The following TARS3 variants were observed in gnomAD, a reference collection of about 807,000 sequenced individuals.
TARS3 encodes the protein threonyl-tRNA synthetase 3, also known as threonine--tRNA ligase 2, cytoplasmic.
TARS3 carries 94 observed loss-of-function variants against 103.5 expected under a neutral mutation model. The observed-to-expected ratio is 0.91, with a 90% CI of 0.77 to 1.08. The LOEUF (loss-of-function observed/expected upper bound fraction) is 1.08. Among genes scored for constraint, TARS3 ranks in the 50% least tolerant of loss-of-function variants. The pLI is 0.00. For synonymous variants in TARS3, 416 were observed against 355.4 expected, an observed-to-expected ratio of 1.17 and a Z score of -1.92; for missense variants, 952 against 995.2, an observed-to-expected ratio of 0.96 and a Z score of 0.58.
At chr15:101,720,417 C>T (rs1002622205) in intron 3 of TARS3, among the ~76,000 whole-genome samples, 1 of 152,100 alleles carries the variant, frequency 6.6e-6, no homozygotes, top group Non-Finnish European at 1.5e-5. Flanking sequence ...GATAATAGCT[C>T]TAAAACATTT....
intron 4 of TARS3, among the ~76,000 whole-genome samples, chr15:101,713,381 G>T (rs139436343): frequency 7.7e-4 from 117 of 152,260 alleles, no homozygotes; most frequent in African/African-American, 2.7e-3. Flanking sequence ...AAATGCAATG[G>T]GATGCATTAA....
At chr15:101,661,683 A>G (rs1393694493) in intron 16 of TARS3, 29 bp downstream of exon 16, 1 of 1,279,022 alleles carries the variant, frequency 7.8e-7, no homozygotes, top group East Asian at 2.4e-5. Flanking sequence ...AATAATAGAC[A>G]TATAGTTTTT....
At chr15:101,674,622 C>T (rs867321403) in intron 13 of TARS3, among the ~76,000 whole-genome samples, 17 of 151,868 alleles carry the variant, frequency 1.1e-4, no homozygotes, top group African/African-American at 3.4e-4. Context: ...CTGGCTAACA[C>T]GGTGAAGCCC....
At chr15:101,658,311 C>CAAAAAA (rs36121104) in intron 16 of TARS3, among the ~76,000 whole-genome samples, 1 of 70,146 alleles carries the variant, frequency 1.4e-5, no homozygotes, top group Non-Finnish European at 2.5e-5. Context: ...ACACCATCAG[C>CAAAAAA]AAAAAAAAAA....
chr15:101,702,055 G>C (rs1482457862), intron 9 of TARS3, among the ~76,000 whole-genome samples, 184 bp downstream of exon 9: 1 of 152,226 alleles, frequency 6.6e-6, no homozygotes, highest in Non-Finnish European at 1.5e-5. Context: ...GATACAGGAA[G>C]GAAAGAGGTT....
chr15:101,690,355 C>T (rs1011282034), intron 10 of TARS3, among the ~76,000 whole-genome samples: 1 of 152,066 alleles, frequency 6.6e-6, no homozygotes, highest in Non-Finnish European at 1.5e-5. Flanking sequence ...ATACAACATG[C>T]TTAAATTATG....
At chr15:101,705,615 A>T in intron 7 of TARS3, 68 bp downstream of exon 7, 2 of 1,352,838 alleles carry the variant, frequency 1.5e-6, no homozygotes, top group Admixed American at 4.1e-5. Flanking sequence ...CAGAAAACAA[A>T]CTCGGCCTCT....
At position 101,653,874 on chromosome 15, in the gene TARS3, TAAC is replaced by T. The variant is rs1897100589; in HGVS notation, c.*705_*707del. On this transcript the variant is annotated 3_prime_UTR_variant, in exon 19 of 19. Coordinates refer to ENST00000335968, the MANE Select transcript of TARS3 (RefSeq NM_152334.3). ...ATGGAATGTCATCCCATCAAAAAAG[TAAC>T]AACTCTAGGTGAGCGGCTTAGTGGT... The T allele has an allele frequency of 6.6e-6, 1 of 152,330 alleles. No individual in the cohort carries two copies. The highest frequency in any genetic ancestry group is 2.1e-4 in the South Asian group (1 of 4,830). The allele number at this position is 152,330 out of a possible 1,614,324, so 9.4% of individuals were successfully genotyped here.
intron 6 of TARS3, 139 bp from the exon 7 acceptor site, chr15:101,705,886 CA>C: frequency 2.8e-6 from 2 of 722,754 alleles, no homozygotes; most frequent in East Asian, 5.4e-5. Context: ...AAAGAGCTCA[CA>C]GCCTTGAGCG....
intron 8 of TARS3, 94 bp from the exon 9 acceptor site, chr15:101,702,479 C>A: frequency 9.1e-7 from 1 of 1,093,998 alleles, no homozygotes. Flanking sequence ...ACTATCATAT[C>A]AACAAAGCAG....
rs770457602 is a variant in TARS3 at position 101,657,814 on chromosome 15, C to T, written c.2116G>A (p.Gly706Arg). 1 of 1,609,806 alleles carries T rather than the reference C, an allele frequency of 6.2e-7. No homozygotes were observed. Among genetic ancestry groups the T allele is most frequent in the South Asian group, 1.1e-5 (1 of 90,282 alleles). The change falls in exon 17 of 19, where the codon GGG becomes AGG. Residue 706 changes from glycine (G) to arginine (R), a missense_variant. Gly to Arg is a moderately radical substitution (Grantham distance 125). Around this residue, in one of 2 missense-constraint regions of TARS3, gnomAD observed 540 missense variants for 631.0 expected, o/e 0.86. Transcript: ENST00000335968. ...SPRQVMVIPV[G>R]PTCEKYALQV... is the part of the protein sequence containing the mutation. ...AGTGCATATTTTTCACAAGTTGGCCCCACAGGGATGACCATCACCTGACGA... is the reference window on the plus strand; with the variant it reads ...AGTGCATATTTTTCACAAGTTGGCCTCACAGGGATGACCATCACCTGACGA...
intron 10 of TARS3, among the ~76,000 whole-genome samples, chr15:101,693,735 C>T (rs75398258): frequency 0.014 from 2,148 of 152,244 alleles, 49 homozygotes; most frequent in African/African-American, 0.048. Context: ...CAGAGGCCCG[C>T]TGGGGACACT....
intron 10 of TARS3, among the ~76,000 whole-genome samples, chr15:101,687,026 C>T (rs752542818): frequency 6.6e-6 from 1 of 152,126 alleles, no homozygotes; most frequent in Non-Finnish European, 1.5e-5. Context: ...TTCAGCAGGG[C>T]ATCCTGGCAG....
chr15:101,674,934 G>A (rs1897961565), intron 13 of TARS3, among the ~76,000 whole-genome samples: 1 of 152,128 alleles, frequency 6.6e-6, no homozygotes, highest in Admixed American at 6.5e-5. Context: ...ATCCACTTGG[G>A]GTCTTATTCC....
chr15:101,657,480 A>G (rs923044108), intron 17 of TARS3, among the ~76,000 whole-genome samples: 3 of 152,264 alleles, frequency 2.0e-5, no homozygotes, highest in Non-Finnish European at 2.9e-5. Flanking sequence ...TGTTGTTTAA[A>G]GCTGCTAAGT....
chr15:101,676,100 G>T (rs1181309875), intron 12 of TARS3, among the ~76,000 whole-genome samples: 5 of 152,236 alleles, frequency 3.3e-5, no homozygotes, highest in Non-Finnish European at 7.3e-5. Context: ...TGAGTTGAAG[G>T]CTCCGTGGAC....
chr15:101,671,733 A>C lies in TARS3; in HGVS notation c.1804T>G (p.Leu602Val). ...TTCCACGGTTCTCCAAAGTCCATCA[A>C]GCTGTTCTGCAGTTGCTTTTTCAAA... The part of the protein sequence containing the change: ...NEAEKQLQNS[L>V]MDFGEPWKMN... The change falls in exon 14 of 19, where the codon TTG (leucine) becomes GTG (valine). Residue 602 changes from leucine (L) to valine (V), a missense_variant. By Grantham distance (32) the Leu-to-Val change is conservative. Around this residue, in one of 2 missense-constraint regions of TARS3, gnomAD observed 540 missense variants for 631.0 expected, o/e 0.86. Transcript: ENST00000335968. The C allele has an allele frequency of 6.2e-7, 1 of 1,614,052 alleles. No homozygotes were observed. The highest frequency in any genetic ancestry group is 8.5e-7 in the Non-Finnish European group (1 of 1,179,996).
intron 12 of TARS3, among the ~76,000 whole-genome samples, chr15:101,677,786 C>G (rs1898092394): frequency 6.6e-6 from 1 of 151,944 alleles, no homozygotes; most frequent in East Asian, 1.9e-4. Flanking sequence ...GCACGTGCCA[C>G]CAAGCCTGGC....
At chr15:101,708,257 G>GAAAAAAAAAAAAA (rs60601502) in intron 6 of TARS3, among the ~76,000 whole-genome samples, 1 of 48,602 alleles carries the variant, frequency 2.1e-5, no homozygotes, top group Non-Finnish European at 3.4e-5. Context: ...GACTCTGTCT[G>GAAAAAAAAAAAAA]AAAAAAAAAA....
Sources: gnomAD v4.1 joint callset for allele counts (sites outside exome capture counted in the v4.1 genomes callset) on GRCh38, gnomAD v4.1.1 for gene constraint, gnomAD v4.1.1 regional missense constraint, MANE v1.5 for transcripts, NCBI Gene and HGNC (gene_info 2026-07-23, HGNC 2026-07-21) for gene names.